FILIP1: variants seen among roughly 807,000 people sequenced by gnomAD.
The protein encoded by FILIP1 is filamin A interacting protein 1.
FILIP1 carries 61 observed loss-of-function variants against 102.1 expected under a neutral mutation model. The observed-to-expected ratio is 0.60, with a 90% confidence interval of 0.49 to 0.74. The LOEUF (loss-of-function observed/expected upper bound fraction) is 0.74, where lower values mean the gene tolerates loss of function less well. Ranked by LOEUF, FILIP1 falls within the 30% of genes least tolerant of loss-of-function variation. The probability of loss-of-function intolerance (pLI) is 0.00; values close to 1 mark genes in which losing one functional copy is unlikely to be tolerated. For missense variants in FILIP1, 1,314 were observed against 1,441.2 expected, an observed-to-expected ratio of 0.91 and a Z score of 1.43; for synonymous variants, 491 against 526.9, an observed-to-expected ratio of 0.93 and a Z score of 0.93.
intron 2 of FILIP1, among the ~76,000 whole-genome samples, chr6:75,408,085 T>C (rs1324009184): frequency 6.6e-6 from 1 of 152,240 alleles, no homozygotes; most frequent in Non-Finnish European, 1.5e-5. Context: ...ACTATTTTAT[T>C]ACTTTCAGTT....
intron 1 of FILIP1, among the ~76,000 whole-genome samples, chr6:75,425,766 A>G (rs72889017): frequency 0.029 from 4,380 of 152,280 alleles, 90 homozygotes; most frequent in Non-Finnish European, 0.046. Context: ...CTGTGTATGT[A>G]TGTGAAATCA....
At chr6:75,367,679 A>G (rs1263247590) in intron 2 of FILIP1, 1 of 152,160 alleles carries the variant, frequency 6.6e-6, no homozygotes, top group Non-Finnish European at 1.5e-5. Flanking sequence ...AAAATAGTCA[A>G]TCAATAATAT....
exon 7 of FILIP1, chr6:75,293,870 C>T (rs1393188380): frequency 2.6e-5 from 4 of 152,022 alleles, no homozygotes; most frequent in Non-Finnish European, 2.9e-5. Context: ...CTAACTAAAA[C>T]ACTTTTCTAA....
chr6:75,386,642 C>T (rs1397258674), intron 2 of FILIP1, among the ~76,000 whole-genome samples: 1 of 152,150 alleles, frequency 6.6e-6, no homozygotes, highest in Non-Finnish European at 1.5e-5. Context: ...GCATCTCTTC[C>T]TGAGGTGTCT....
chr6:75,333,932 C>T (rs1429363478), intron 4 of FILIP1, among the ~76,000 whole-genome samples: 1 of 152,026 alleles, frequency 6.6e-6, no homozygotes, highest in Non-Finnish European at 1.5e-5. Flanking sequence ...CTTTATTATT[C>T]TTGTTATCAC....
At chr6:75,415,003 T>C in intron 1 of FILIP1, 25 bp from the exon 2 acceptor site, 2 of 1,589,934 alleles carry the variant, frequency 1.3e-6, no homozygotes, top group Non-Finnish European at 8.6e-7. Flanking sequence ...TAAAAAAAGA[T>C]AAGATGTTCT....
intron 2 of FILIP1, among the ~76,000 whole-genome samples, chr6:75,409,028 A>C (rs1032748632): frequency 1.5e-4 from 23 of 152,224 alleles, no homozygotes; most frequent in Non-Finnish European, 2.9e-4. Flanking sequence ...GGTGTAAAAA[A>C]AACCTTAAAT....
rs1293637835 is a variant in FILIP1 at position 75,372,631 on chromosome 6, AAG to A, written c.277-9716_277-9715del. Among the ~76,000 whole-genome samples, 14 of 55,844 alleles carry A rather than the reference AAG, an allele frequency of 2.5e-4. 1 individual carries two copies. Among genetic ancestry groups the A allele is most frequent in the African/African-American group, 1.0e-3 (11 of 10,536 alleles). 36.6% of individuals were successfully genotyped at this position (55,844 alleles called of 152,430 possible). A position where few individuals can be genotyped will look rare whatever the true frequency, so the allele number is the denominator to read the frequency against. ...AGAAAGAAAGAAAGAAAAAGAAAGAAAGAAAGAAAGAAAGAAAGAAAGAAAGA... is the reference window on the plus strand; with the variant it reads ...AGAAAGAAAGAAAGAAAAAGAAAGAAAAAGAAAGAAAGAAAGAAAGAAAGA... On this transcript the variant is annotated intron_variant, in intron 2 of 5. Coordinates refer to ENST00000237172, the MANE Select transcript of FILIP1 (RefSeq NM_015687.5).
Position 75,448,587 on chromosome 6 carries a change from C to A in FILIP1, c.-6-33609G>T, listed in dbSNP as rs531270108. ...CACAACCCACAGAGTGGAAGAAAAT[C>A]TTTGCAATCTATGCATCCAACAAAG... On this transcript the variant is annotated intron_variant, in intron 1 of 5. Transcript: ENST00000237172. Among the ~76,000 whole-genome samples, 31 of 152,178 alleles carry A rather than the reference C, an allele frequency of 2.0e-4. No homozygotes were observed. The South Asian group carries it at 6.2e-3, about 31-fold the overall frequency.
At chr6:75,420,950 T>C (rs1777442564) in intron 1 of FILIP1, among the ~76,000 whole-genome samples, 1 of 152,196 alleles carries the variant, frequency 6.6e-6, no homozygotes, top group Non-Finnish European at 1.5e-5. Context: ...TATAGGTTTA[T>C]AGAACTCATT....
chr6:75,355,716 T>A (rs1030997811), intron 3 of FILIP1, among the ~76,000 whole-genome samples: 1 of 152,192 alleles, frequency 6.6e-6, no homozygotes, highest in East Asian at 1.9e-4. Flanking sequence ...CCAGGTTATA[T>A]GATTTTAAAG....
At chr6:75,303,307 T>C (rs1772894680), downstream of FILIP1, among the ~76,000 whole-genome samples, 1 of 152,226 alleles carries the variant, frequency 6.6e-6, no homozygotes, top group Non-Finnish European at 1.5e-5. Context: ...TGGGAGTCAT[T>C]GGCATCTGGG....
intron 5 of FILIP1, 97 bp downstream of exon 5, chr6:75,312,300 A>G: frequency 8.5e-7 from 1 of 1,182,774 alleles, no homozygotes; most frequent in Non-Finnish European, 1.2e-6. Flanking sequence ...GTAGCATGAG[A>G]AGCATGTGGC....
rs745645384 is a variant in FILIP1 at position 75,308,799 on chromosome 6, T to C, written c.3534A>G (p.Ala1178=). 6.2e-7 allele frequency: 1 copy of C among 1,614,160 alleles called. No individual in the cohort carries two copies. The highest frequency in any genetic ancestry group is 1.1e-5 in the South Asian group (1 of 91,084). The change falls in exon 6 of 6, where the codon GCA becomes GCG. Residue 1178 remains alanine (A), a synonymous_variant. Coordinates refer to ENST00000237172, the MANE Select transcript of FILIP1 (RefSeq NM_015687.5). ...AGKPVVAAPG[A]GNLTKFEPRA... ...GAGGCTCGAATTTGGTCAGATTTCC[T>C]GCTCCTGGGGCTGCCACTACTGGCT...
chr6:75,478,492 T>C (rs1268375581), intron 1 of FILIP1, among the ~76,000 whole-genome samples: 2 of 152,148 alleles, frequency 1.3e-5, no homozygotes. Context: ...CTCCATCCCC[T>C]GGAGTAACAG....
At chr6:75,337,248 C>A (rs1325443708) in intron 4 of FILIP1, among the ~76,000 whole-genome samples, 1 of 152,160 alleles carries the variant, frequency 6.6e-6, no homozygotes, top group Non-Finnish European at 1.5e-5. Context: ...TGGGAATCTT[C>A]TAAAAACAAT....
chr6:75,429,476 A>G (rs1229651316), intron 1 of FILIP1, among the ~76,000 whole-genome samples: 1 of 152,196 alleles, frequency 6.6e-6, no homozygotes, highest in Non-Finnish European at 1.5e-5. Context: ...GTTCCTCAGG[A>G]TGCCTCTATA....
At chr6:75,389,839 A>C (rs1349155635) in intron 2 of FILIP1, among the ~76,000 whole-genome samples, 2 of 151,762 alleles carry the variant, frequency 1.3e-5, no homozygotes, top group African/African-American at 4.8e-5. Context: ...ACCTATCCCC[A>C]TCTCCTGAGA....
intron 2 of FILIP1, among the ~76,000 whole-genome samples, chr6:75,394,124 A>C (rs1407274570): frequency 1.3e-5 from 2 of 152,154 alleles, no homozygotes; most frequent in African/African-American, 4.8e-5. Context: ...GTTACTTCAG[A>C]ATTCTCCTTT....
Sources: allele counts gnomAD v4.1 joint callset (sites outside exome capture counted in the v4.1 genomes callset), GRCh38; gene constraint gnomAD v4.1.1; transcripts MANE v1.5; gene names NCBI Gene and HGNC (gene_info 2026-07-23, HGNC 2026-07-21).